BCAS3: variants seen among roughly 807,000 people sequenced by gnomAD.
BCAS3 encodes BCAS4/BCAS3 fusion.
In BCAS3, 53 loss-of-function variants were observed where a neutral mutation model predicts 116.1. The observed-to-expected ratio is 0.46, with a 90% CI of 0.37 to 0.57. The LOEUF (loss-of-function observed/expected upper bound fraction) is 0.57, where lower values mean the gene tolerates loss of function less well. Among genes scored for constraint, BCAS3 ranks in the 20% least tolerant of loss-of-function variants. The probability of loss-of-function intolerance (pLI) is 0.00; values close to 1 mark genes in which losing one functional copy is unlikely to be tolerated. For synonymous variants in BCAS3, 391 were observed against 408.2 expected, an observed-to-expected ratio of 0.96 and a Z score of 0.51; for missense variants, 917 against 1,165.4, an observed-to-expected ratio of 0.79 and a Z score of 3.10.
At chr17:61,231,810 C>T (rs1008512192) in intron 22 of BCAS3, among the ~76,000 whole-genome samples, 8 of 141,942 alleles carry the variant, frequency 5.6e-5, no homozygotes, top group Non-Finnish European at 9.0e-5. Flanking sequence ...CCTGAGAGAT[C>T]GAAGCTACAG....
At chr17:60,750,060 G>A (rs1004947045) in intron 6 of BCAS3, among the ~76,000 whole-genome samples, 12 of 152,002 alleles carry the variant, frequency 7.9e-5, no homozygotes, top group Admixed American at 5.2e-4. Flanking sequence ...CCAGCTACTC[G>A]GGAGGGTGAA....
intron 22 of BCAS3, among the ~76,000 whole-genome samples, chr17:61,110,720 T>C (rs1430797460): frequency 6.6e-6 from 1 of 152,058 alleles, no homozygotes; most frequent in Non-Finnish European, 1.5e-5. Flanking sequence ...GCCGGGAAGC[T>C]CCAACTGGGT....
chr17:60,812,779 A>G (rs920374639), intron 7 of BCAS3, among the ~76,000 whole-genome samples: 3 of 152,250 alleles, frequency 2.0e-5, no homozygotes. Context: ...TCCCTCGGTC[A>G]CCCAGGCCCA....
intron 22 of BCAS3, among the ~76,000 whole-genome samples, chr17:61,179,224 CTTATT>C (rs972237667): frequency 1.4e-5 from 2 of 140,338 alleles, no homozygotes; most frequent in Non-Finnish European, 3.1e-5. Flanking sequence ...TGTTTTTGTT[CTTATT>C]TTAAGTTTTT....
chr17:60,695,536 T>C (rs1421597931), intron 4 of BCAS3, among the ~76,000 whole-genome samples: 6 of 152,228 alleles, frequency 3.9e-5, no homozygotes, highest in African/African-American at 1.4e-4. Context: ...GTGGAATTGT[T>C]GTATCATATG....
chr17:61,287,265 G>T (rs553658515), intron 22 of BCAS3, among the ~76,000 whole-genome samples: 1 of 151,730 alleles, frequency 6.6e-6, no homozygotes. Flanking sequence ...AAACTCTATG[G>T]AGTTGGGGAA....
rs762310528 is a variant in BCAS3 at position 61,065,663 on chromosome 17, G to A, written c.2030-9257G>A. ...TCAGGTCTCCACTAAAAACTTTCAC[G>A]TGCTAAGGGTTTTATTGTTTGTGGA... is the stretch of plus-strand genomic sequence containing the variant. On this transcript the variant is annotated intron_variant, in intron 19 of 23. Transcript: ENST00000407086. This position sits in a 1 kb window ranked among gnomAD's most constrained non-coding sequence, Gnocchi z 4.8. Among the ~76,000 whole-genome samples the A allele has an allele frequency of 1.3e-5, 2 of 152,100 alleles. No homozygotes were observed. Among genetic ancestry groups the A allele is most frequent in the East Asian group, 1.9e-4 (1 of 5,186 alleles).
rs1602114238 is a variant in BCAS3, at chr17:61,239,010, A to AT, written c.2426-129310dup. ...AGTCCAAAATGCTTGGGTACCTAAG[A>AT]TTTTTTTAATTTGTTCGTGTATATT... On this transcript the variant is annotated intron_variant, in intron 22 of 23. Coordinates refer to ENST00000407086, the MANE Select transcript of BCAS3 (RefSeq NM_017679.5). This position sits in a 1 kb window ranked among gnomAD's most constrained non-coding sequence, Gnocchi z 4.2. Among the ~76,000 whole-genome samples, 1 of 152,142 alleles carries AT rather than the reference A, an allele frequency of 6.6e-6. No individual in the cohort carries two copies. The highest frequency in any genetic ancestry group is 2.4e-5 in the African/African-American group (1 of 41,418).
chr17:61,086,758 C>T, intron 22 of BCAS3: 1 of 985,322 alleles, frequency 1.0e-6, no homozygotes, highest in Non-Finnish European at 1.2e-6. Context: ...AACAGTGAAA[C>T]ATGTGTGCTG....
chr17:61,074,834 C>T (rs1601008070), intron 19 of BCAS3, 86 bp from the exon 20 acceptor site: 1 of 749,682 alleles, frequency 1.3e-6, no homozygotes, highest in East Asian at 2.7e-5. Context: ...TTATAAATTA[C>T]CATAGTATCC....
chr17:61,350,701 T>C lies in BCAS3; in HGVS notation c.2426-17626T>C, dbSNP rs562175734. Among the ~76,000 whole-genome samples, 18 of 151,586 alleles carry C rather than the reference T, an allele frequency of 1.2e-4. No individual in the cohort carries two copies. The South Asian group carries it at 3.8e-3, about 32-fold the overall frequency. On this transcript the variant is annotated intron_variant, in intron 22 of 23. Coordinates refer to ENST00000407086, the MANE Select transcript of BCAS3 (RefSeq NM_017679.5). Reference sequence around the variant, plus strand: ...TGGTGGCAGTGTAGTGGTACAATCATGGCTCACTGCAGCCTCAACCTCCCA... The same window carrying C: ...TGGTGGCAGTGTAGTGGTACAATCACGGCTCACTGCAGCCTCAACCTCCCA...
intron 9 of BCAS3, among the ~76,000 whole-genome samples, chr17:60,886,704 G>C (rs865786187): frequency 5.9e-5 from 9 of 152,064 alleles, no homozygotes; most frequent in Admixed American, 2.6e-4. Flanking sequence ...ATAACCTGCC[G>C]TGTGAGGTGT....
intron 13 of BCAS3, among the ~76,000 whole-genome samples, chr17:60,931,765 T>C (rs1168051062): frequency 6.6e-6 from 1 of 152,136 alleles, no homozygotes; most frequent in African/African-American, 2.4e-5. Context: ...AAATGGGGGC[T>C]AGTAATGATA....
In BCAS3 at chr17:60,995,484, G is replaced by T. The variant is rs989510087; in HGVS notation, c.1486+5249G>T. On this transcript the variant is annotated intron_variant, in intron 15 of 23. Coordinates refer to ENST00000407086, the MANE Select transcript of BCAS3 (RefSeq NM_017679.5). This position sits in a 1 kb window ranked among gnomAD's most constrained non-coding sequence, Gnocchi z 4.7. Reference sequence around the variant, plus strand: ...GCCGAATTTTTGTATTTTAAGTAGAGACTGGGTTTCACAATGTTGGCCAGG... The same window carrying T: ...GCCGAATTTTTGTATTTTAAGTAGATACTGGGTTTCACAATGTTGGCCAGG... Among the ~76,000 whole-genome samples the T allele has an allele frequency of 2.0e-4, 30 of 151,600 alleles. No individual in the cohort carries two copies. Among genetic ancestry groups the T allele is most frequent in the African/African-American group, 6.3e-4 (26 of 41,228 alleles).
intron 7 of BCAS3, among the ~76,000 whole-genome samples, chr17:60,809,194 G>A (rs964960766): frequency 6.6e-6 from 1 of 150,466 alleles, no homozygotes; most frequent in African/African-American, 2.5e-5. Context: ...TGAGGCACGA[G>A]AATTGCTTGA....
At chr17:61,100,700 G>A (rs2074269736) in intron 22 of BCAS3, among the ~76,000 whole-genome samples, 1 of 152,138 alleles carries the variant, frequency 6.6e-6, no homozygotes, top group African/African-American at 2.4e-5. Context: ...TTGAAACCAA[G>A]TTCTTGCATT....
chr17:61,376,715 C>G lies in BCAS3; in HGVS notation c.2593+8221C>G, dbSNP rs2059357750. On this transcript the variant is annotated intron_variant, in intron 23 of 23. Transcript: ENST00000407086. This position sits in a 1 kb window ranked among gnomAD's most constrained non-coding sequence, Gnocchi z 4.5. ...CTCTAGGCTTCTCTGGGTAATATCT[C>G]TGATTGCCCAGTGCTCCTAAAATTG... is the stretch of plus-strand genomic sequence containing the variant. Among the ~76,000 whole-genome samples the G allele has an allele frequency of 6.6e-6, 1 of 152,226 alleles. No individual in the cohort carries two copies.
chr17:61,162,186 T>G lies in BCAS3; in HGVS notation c.2425+77622T>G, dbSNP rs1484574756. On this transcript the variant is annotated intron_variant, in intron 22 of 23. Coordinates refer to ENST00000407086, the MANE Select transcript of BCAS3 (RefSeq NM_017679.5). The surrounding 1 kb of genome is among the most constrained non-coding windows in gnomAD (Gnocchi z 5.6). ...GAAGATATTTTATTGGGAAATATCC[T>G]GGGTAAGTAAACAGTGATTGCAATG... Among the ~76,000 whole-genome samples, 1 of 152,216 alleles carries G rather than the reference T, an allele frequency of 6.6e-6. No individual in the cohort carries two copies. Among genetic ancestry groups the G allele is most frequent in the Non-Finnish European group, 1.5e-5 (1 of 68,040 alleles).
At chr17:61,154,736 G>T (rs188861379) in intron 22 of BCAS3, among the ~76,000 whole-genome samples, 1 of 152,118 alleles carries the variant, frequency 6.6e-6, no homozygotes, top group Non-Finnish European at 1.5e-5. Flanking sequence ...GAGCCACCGC[G>T]CCCAGCCTCA....
Sources: gnomAD v4.1 joint callset for allele counts (sites outside exome capture counted in the v4.1 genomes callset) on GRCh38, gnomAD v4.1.1 for gene constraint, Gnocchi (gnomAD v3.1) non-coding constraint, MANE v1.5 for transcripts, NCBI Gene and HGNC (gene_info 2026-07-23, HGNC 2026-07-21) for gene names.